Variants in GPR155 observed in about 807,000 individuals in gnomAD.
GPR155 encodes the protein lysosomal cholesterol signaling protein.
GPR155 carries 65 observed loss-of-function variants against 93.1 expected under a neutral mutation model. The observed-to-expected ratio is 0.70, with a 90% CI of 0.57 to 0.86. The LOEUF (loss-of-function observed/expected upper bound fraction) is 0.86, where lower values mean the gene tolerates loss of function less well. GPR155 is among the 40% of genes least tolerant of loss of function. The probability of loss-of-function intolerance (pLI) is 0.00; values close to 1 mark genes in which losing one functional copy is unlikely to be tolerated. For missense variants in GPR155, 838 were observed against 1,034.8 expected, an observed-to-expected ratio of 0.81 and a Z score of 2.61; for synonymous variants, 319 against 360.1, an observed-to-expected ratio of 0.89 and a Z score of 1.29.
intron 8 of GPR155, 34 bp downstream of exon 8, chr2:174,461,553 GA>G: frequency 6.4e-7 from 1 of 1,555,938 alleles, no homozygotes. Flanking sequence ...TGTCTATATG[GA>G]AAGGTGTAAG....
At position 174,471,218 on chromosome 2, in the gene GPR155, C is replaced by T. The variant is rs141522717; in HGVS notation, c.861-663G>A. Among the ~76,000 whole-genome samples, 393 of 151,730 alleles carry T rather than the reference C, an allele frequency of 2.6e-3. 2 individuals carry two copies. The highest frequency in any genetic ancestry group is 9.2e-3 in the African/African-American group (381 of 41,356). On this transcript the variant is annotated intron_variant, in intron 3 of 15. Coordinates refer to ENST00000392552, the MANE Select transcript of GPR155 (RefSeq NM_152529.7). ...CCAGCCTGGCTAACATGGTGAAACC[C>T]CATCTCTACTAAAGATACAAAAAAT...
Position 174,436,076 on chromosome 2 carries a change from G to A in GPR155, c.*40C>T. 3 of 1,541,822 alleles carry A rather than the reference G, an allele frequency of 1.9e-6. No individual in the cohort carries two copies. The highest frequency in any genetic ancestry group is 2.7e-6 in the Non-Finnish European group (3 of 1,122,984). On this transcript the variant is annotated 3_prime_UTR_variant, in exon 16 of 16. Transcript: ENST00000392552. ...CCAGCTAAAAACTAATGAATACGCG[G>A]CTAGAATATGATTCCATGTAGGGTT...
At chr2:174,472,911 GC>G in intron 3 of GPR155, 53 bp downstream of exon 3, 1 of 1,428,476 alleles carries the variant, frequency 7.0e-7, no homozygotes, top group South Asian at 1.3e-5. Flanking sequence ...TGATGAATTG[GC>G]TAAATACGGC....
At chr2:174,481,144 CACTT>C (rs1214347436) in intron 2 of GPR155, among the ~76,000 whole-genome samples, 4 of 152,138 alleles carry the variant, frequency 2.6e-5, no homozygotes, top group Non-Finnish European at 5.9e-5. Flanking sequence ...CTTTCACAAA[CACTT>C]AATAATAACT....
intron 1 of GPR155, among the ~76,000 whole-genome samples, chr2:174,486,513 C>T (rs1457734672): frequency 6.6e-6 from 1 of 152,194 alleles, no homozygotes; most frequent in Non-Finnish European, 1.5e-5. Flanking sequence ...GGTGCCTGGG[C>T]AGAAGCCTTC....
rs1688315361 is a variant in GPR155, at chr2:174,481,421, G to A, written c.460+76C>T. On this transcript the variant is annotated intron_variant, in intron 2 of 15. Transcript: ENST00000392552. ...AAAAACTTCTTAGATATGAGAGTAA[G>A]AATCTGTTACTAACAAATGCCTAAA... 9.5e-6 allele frequency: 8 copies of A among 845,006 alleles called. No individual in the cohort carries two copies. In the South Asian group the frequency reaches 1.4e-4, roughly 15 times the overall value. The allele number at this position is 845,006 out of a possible 1,614,324, so 52.3% of individuals were successfully genotyped here. A position where few individuals can be genotyped will look rare whatever the true frequency, so the allele number is the denominator to read the frequency against.
Position 174,473,013 on chromosome 2 carries a change from A to G in GPR155, c.812T>C (p.Leu271Pro), listed in dbSNP as rs1688040462. 2.5e-6 allele frequency: 4 copies of G among 1,594,448 alleles called. No homozygotes were observed. The highest frequency in any genetic ancestry group is 1.4e-5 in the African/African-American group (1 of 73,338). Residue 271 changes from leucine to proline, a missense_variant, in exon 3 of 16, where the codon CTG becomes CCG. This residue lies in a region of GPR155 where 663 missense variants were observed against 790.1 expected (regional missense o/e 0.84). Transcript: ENST00000392552. ...TAGTACTACAAATGCCGACTTCTTC[A>G]GTCTCTTTATTTTTCCCACCATCGT... is the stretch of plus-strand genomic sequence containing the variant. The part of the protein sequence containing the change: ...GLTMVGKIKR[L>P]KKSAFVVLIL...
At chr2:174,461,536 T>G (rs1443804298) in intron 8 of GPR155, 44 bp from the exon 9 acceptor site, 1 of 1,554,166 alleles carries the variant, frequency 6.4e-7, no homozygotes, top group African/African-American at 1.4e-5. Context: ...AAAGGATGAA[T>G]AGTAACTGTC....
intron 3 of GPR155, among the ~76,000 whole-genome samples, chr2:174,472,497 A>G (rs923254178): frequency 6.6e-6 from 1 of 152,214 alleles, no homozygotes; most frequent in Admixed American, 6.5e-5. Flanking sequence ...ATAATCATTC[A>G]TATTGACTTG....
chr2:174,483,240 G>A lies in GPR155; in HGVS notation c.-31-1253C>T, dbSNP rs114179518. On this transcript the variant is annotated intron_variant, in intron 1 of 15. Coordinates refer to ENST00000392552, the MANE Select transcript of GPR155 (RefSeq NM_152529.7). Reference sequence around the variant, plus strand: ...ATACTTAAACCTTTTACCCTTTCATGGATCAATGTTCTCTTTCAGGCACTA... The same window carrying A: ...ATACTTAAACCTTTTACCCTTTCATAGATCAATGTTCTCTTTCAGGCACTA... 7.1e-3 allele frequency: 1,079 copies of A among 151,930 alleles called. 10 individuals carry two copies. Among genetic ancestry groups the A allele is most frequent in the African/African-American group, 0.025 (1,018 of 41,398 alleles). 9.4% of individuals were successfully genotyped at this position (151,930 alleles called of 1,614,324 possible).
intron 3 of GPR155, among the ~76,000 whole-genome samples, chr2:174,470,813 G>T (rs2105724609): frequency 6.6e-6 from 1 of 152,188 alleles, no homozygotes; most frequent in Middle Eastern, 3.4e-3. Flanking sequence ...AGATGTTTTT[G>T]GTTCTACAAA....
intron 10 of GPR155, among the ~76,000 whole-genome samples, chr2:174,458,286 C>T (rs1687579836): frequency 6.6e-6 from 1 of 152,120 alleles, no homozygotes; most frequent in Admixed American, 6.5e-5. Context: ...GTCCTAGGAC[C>T]ATGGTAACTG....
intron 2 of GPR155, among the ~76,000 whole-genome samples, chr2:174,478,896 G>A (rs764550282): frequency 4.0e-5 from 6 of 151,602 alleles, no homozygotes; most frequent in Non-Finnish European, 7.4e-5. Flanking sequence ...GGGCACAGCA[G>A]CAGTAATAAG....
At chr2:174,438,295 C>G (rs1345929235) in intron 15 of GPR155, among the ~76,000 whole-genome samples, 1 of 152,062 alleles carries the variant, frequency 6.6e-6, no homozygotes, top group African/African-American at 2.4e-5. Context: ...GAATGTGACA[C>G]TGTACAGGCT....
chr2:174,456,463 C>A (rs866126898), intron 10 of GPR155, among the ~76,000 whole-genome samples: 51 of 152,068 alleles, frequency 3.4e-4, no homozygotes, highest in Non-Finnish European at 1.0e-4. Flanking sequence ...TGCTACCATG[C>A]CTAGCTAATT....
chr2:174,432,880 C>T lies in GPR155; in HGVS notation c.*3236G>A. The stretch of plus-strand genomic sequence containing the variant: ...CCGGGTTCATGCCATTCTCCTGCCT[C>T]AGCCTCCCGAGTAGCTGGGACTATA... On this transcript the variant is annotated 3_prime_UTR_variant, in exon 16 of 16. Transcript: ENST00000392552. 2 of 150,480 alleles carry T rather than the reference C, an allele frequency of 1.3e-5. No homozygotes were observed. Among genetic ancestry groups the T allele is most frequent in the Non-Finnish European group, 2.9e-5 (2 of 67,916 alleles). The allele number at this position is 150,480 out of a possible 1,614,324, so 9.3% of individuals were successfully genotyped here.
chr2:174,458,745 C>T (rs1018886593), intron 10 of GPR155, among the ~76,000 whole-genome samples: 2 of 152,072 alleles, frequency 1.3e-5, no homozygotes, highest in Admixed American at 6.6e-5. Context: ...TTAAGAGTCA[C>T]GAAGTATTTG....
intron 2 of GPR155, among the ~76,000 whole-genome samples, chr2:174,475,354 A>G (rs1285542317): frequency 6.6e-6 from 1 of 151,686 alleles, no homozygotes; most frequent in South Asian, 2.1e-4. Context: ...CACTAAGATA[A>G]AATGATATAG....
In GPR155 at chr2:174,432,604, C is replaced by T. The variant is rs1236142791; in HGVS notation, c.*3512G>A. Reference sequence around the variant, plus strand: ...AGACTTACCCTTGAGCATTCAGAGTCATAATATGGTCTTATTAAAAAAGGA... The same window carrying T: ...AGACTTACCCTTGAGCATTCAGAGTTATAATATGGTCTTATTAAAAAAGGA... On this transcript the variant is annotated 3_prime_UTR_variant, in exon 16 of 16. Transcript: ENST00000392552. 1 of 152,114 alleles carries T rather than the reference C, an allele frequency of 6.6e-6. No individual in the cohort carries two copies. The highest frequency in any genetic ancestry group is 1.5e-5 in the Non-Finnish European group (1 of 68,026). 9.4% of individuals were successfully genotyped at this position (152,114 alleles called of 1,614,324 possible).
Sources: allele counts gnomAD v4.1 joint callset (sites outside exome capture counted in the v4.1 genomes callset), GRCh38; gene constraint gnomAD v4.1.1; regional missense constraint gnomAD v4.1.1; transcripts MANE v1.5; gene names NCBI Gene and HGNC (gene_info 2026-07-23, HGNC 2026-07-21).